ATXN7L1: variants seen among roughly 807,000 people sequenced by gnomAD.
ATXN7L1 encodes the protein ataxin 7 like 1, also known as ataxin-7-like protein 1.
In ATXN7L1, 15 loss-of-function variants were observed where a neutral mutation model predicts 70.8. That is an observed-to-expected ratio of 0.21 (90% CI 0.14 to 0.33). The LOEUF (loss-of-function observed/expected upper bound fraction) is 0.33. ATXN7L1 is among the 10% of genes least tolerant of loss of function. The probability of loss-of-function intolerance (pLI) is 1.00; values close to 1 mark genes in which losing one functional copy is unlikely to be tolerated. For missense variants in ATXN7L1, 975 were observed against 1,097.1 expected (o/e 0.89, Z 1.57); for synonymous variants, 440 against 445.1 (o/e 0.99, Z 0.14).
chr7:105,707,280 C>A (rs1279775427), intron 3 of ATXN7L1, among the ~76,000 whole-genome samples: 1 of 152,098 alleles, frequency 6.6e-6, no homozygotes, highest in African/African-American at 2.4e-5. Flanking sequence ...AAGCAATGAG[C>A]CAGTTGGACC....
intron 3 of ATXN7L1, among the ~76,000 whole-genome samples, chr7:105,731,961 C>T (rs1019695115): frequency 2.6e-5 from 4 of 151,640 alleles, no homozygotes; most frequent in East Asian, 2.0e-4. Context: ...GGCATGGTAG[C>T]GGGCGCCTGT....
intron 3 of ATXN7L1, among the ~76,000 whole-genome samples, chr7:105,670,453 A>T (rs1803369549): frequency 6.6e-6 from 1 of 152,184 alleles, no homozygotes; most frequent in South Asian, 2.1e-4. Context: ...CTTTCCTCTA[A>T]ATTTTCTTAG....
chr7:105,693,053 T>C (rs556646614), intron 3 of ATXN7L1, among the ~76,000 whole-genome samples: 2 of 152,158 alleles, frequency 1.3e-5, no homozygotes, highest in African/African-American at 2.4e-5. Flanking sequence ...TAACAGGCTT[T>C]TCCATTTTTC....
At chr7:105,702,459 A>G (rs567772289) in intron 3 of ATXN7L1, among the ~76,000 whole-genome samples, 26 of 152,130 alleles carry the variant, frequency 1.7e-4, no homozygotes, top group Non-Finnish European at 3.7e-4. Context: ...CCAGGGCAAG[A>G]GGTATAAATT....
chr7:105,704,127 C>T (rs1331065674), intron 3 of ATXN7L1, among the ~76,000 whole-genome samples: 6 of 152,126 alleles, frequency 3.9e-5, no homozygotes, highest in Admixed American at 1.3e-4. Context: ...TTAGGTTGGT[C>T]CACAACAAAC....
chr7:105,812,045 T>C (rs1040127807), intron 2 of ATXN7L1, among the ~76,000 whole-genome samples: 2 of 152,196 alleles, frequency 1.3e-5, no homozygotes, highest in Non-Finnish European at 2.9e-5. Context: ...CCCTGCCTTG[T>C]GAATGCTTTG....
chr7:105,850,834 G>A (rs1272024514), intron 2 of ATXN7L1, among the ~76,000 whole-genome samples: 1 of 152,204 alleles, frequency 6.6e-6, no homozygotes, highest in African/African-American at 2.4e-5. Flanking sequence ...CTGGTGTGTA[G>A]GCTGAGCTGG....
rs1410345479 is a variant in ATXN7L1, at chr7:105,614,022, G to A, written c.2312C>T (p.Ser771Phe). The change falls in exon 10 of 12, where the codon TCT becomes TTT. Residue 771 changes from serine to phenylalanine, a missense_variant. By Grantham distance (155) the Ser-to-Phe change is radical (BLOSUM62 -2). Transcript: ENST00000419735. The surrounding 1 kb of genome is among the most constrained non-coding windows in gnomAD (Gnocchi z 4.3). ...SHNAVSSLPL[S>F]FDKSEGKKRK... The stretch of plus-strand genomic sequence containing the variant: ...CTTTTTTCCTTCTGATTTGTCAAAA[G>A]AGAGGGGCAGAGAAGACACAGCATT... 6.4e-7 allele frequency: 1 copy of A among 1,552,022 alleles called. No individual in the cohort carries two copies. Among genetic ancestry groups the A allele is most frequent in the East Asian group, 2.4e-5 (1 of 40,926 alleles).
chr7:105,798,929 C>T (rs183621551), intron 2 of ATXN7L1, among the ~76,000 whole-genome samples: 4 of 152,328 alleles, frequency 2.6e-5, no homozygotes, highest in Non-Finnish European at 5.9e-5. Flanking sequence ...CTCATAGCTC[C>T]GCTAAGACTA....
At position 105,612,493 on chromosome 7, in the gene ATXN7L1, C is replaced by A. The variant is rs549417101; in HGVS notation, c.2472+1369G>T. ...AGAATCTGCATGTTCACAAGCCCCC[C>A]GGGGGATTCGTGTATATGTTCAAAC... On this transcript the variant is annotated intron_variant, in intron 10 of 11. Transcript: ENST00000419735. Among the ~76,000 whole-genome samples, 29 of 151,660 alleles carry A rather than the reference C, an allele frequency of 1.9e-4. 1 individual carries two copies. In the South Asian group the frequency reaches 6.0e-3, roughly 31 times the overall value.
chr7:105,718,932 C>T (rs889273938), intron 3 of ATXN7L1, among the ~76,000 whole-genome samples: 2 of 152,192 alleles, frequency 1.3e-5, no homozygotes, highest in Non-Finnish European at 2.9e-5. Flanking sequence ...AGCACCTGCT[C>T]TAGGCACAGG....
intron 3 of ATXN7L1, among the ~76,000 whole-genome samples, chr7:105,688,926 T>C (rs972261158): frequency 6.6e-6 from 1 of 152,232 alleles, no homozygotes; most frequent in African/African-American, 2.4e-5. Context: ...AGTAATCTGA[T>C]TACTGGTTCT....
intron 4 of ATXN7L1, among the ~76,000 whole-genome samples, chr7:105,660,717 G>A (rs1801476101): frequency 6.6e-6 from 1 of 151,360 alleles, no homozygotes; most frequent in South Asian, 2.1e-4. Context: ...CAAGTAGCTG[G>A]GATTACAGGT....
chr7:105,613,613 G>A (rs1793377743), intron 10 of ATXN7L1: 12 of 1,375,892 alleles, frequency 8.7e-6, no homozygotes, highest in East Asian at 2.6e-5. Flanking sequence ...CTGCACTGGG[G>A]TGTCGTGAGG....
At chr7:105,831,132 A>G (rs1167052503) in intron 2 of ATXN7L1, among the ~76,000 whole-genome samples, 1 of 152,184 alleles carries the variant, frequency 6.6e-6, no homozygotes, top group Non-Finnish European at 1.5e-5. Flanking sequence ...GGGCCTAGAG[A>G]GCAAAAGTAA....
chr7:105,644,675 T>C (rs1326284713), intron 4 of ATXN7L1, among the ~76,000 whole-genome samples: 2 of 152,238 alleles, frequency 1.3e-5, no homozygotes, highest in Non-Finnish European at 2.9e-5. Context: ...AGGTATTACC[T>C]GGTGAAATTA....
rs73408804 is a variant in ATXN7L1 at position 105,613,778 on chromosome 7, C to G, written c.2472+84G>C. Reference sequence around the variant, plus strand: ...CAGGAATCAAGCTTGTGTTACCTGTCGGAGCCGCCCGGCTAAGCAGGGGCG... The same window carrying G: ...CAGGAATCAAGCTTGTGTTACCTGTGGGAGCCGCCCGGCTAAGCAGGGGCG... On this transcript the variant is annotated intron_variant, in intron 10 of 11. Coordinates refer to ENST00000419735, the MANE Select transcript of ATXN7L1 (RefSeq NM_020725.2). The G allele has an allele frequency of 8.8e-4, 1,357 of 1,546,308 alleles. 3 individuals carry two copies. The African/African-American group carries it at 0.011, about 12-fold the overall frequency.
At chr7:105,789,319 A>C (rs1203144973) in intron 2 of ATXN7L1, among the ~76,000 whole-genome samples, 1 of 152,168 alleles carries the variant, frequency 6.6e-6, no homozygotes, top group Non-Finnish European at 1.5e-5. Context: ...GCTGGGAAAA[A>C]CTGGGGAACA....
At position 105,740,832 on chromosome 7, in the gene ATXN7L1, T is replaced by C. The variant is rs557962593; in HGVS notation, c.355+47772A>G. On this transcript the variant is annotated intron_variant, in intron 3 of 11. Transcript: ENST00000419735. ...CAGGCTGGAGTGCGGTGGTGCGATC[T>C]TGGCTCACTGGAAGCTCCGCCTCCC... is the stretch of plus-strand genomic sequence containing the variant. 3.4e-3 allele frequency among the ~76,000 whole-genome samples: 466 copies of C among 136,416 alleles called. 1 individual carries two copies. Among genetic ancestry groups the C allele is most frequent in the African/African-American group, 0.012 (420 of 34,856 alleles). The allele number at this position is 136,416 out of a possible 152,430, so 89.5% of individuals were successfully genotyped here.
Sources: allele counts gnomAD v4.1 joint callset (sites outside exome capture counted in the v4.1 genomes callset), GRCh38; gene constraint gnomAD v4.1.1; non-coding constraint Gnocchi (gnomAD v3.1); transcripts MANE v1.5; gene names NCBI Gene and HGNC (gene_info 2026-07-23, HGNC 2026-07-21).